The following HOMER2 variants were observed in gnomAD, a reference collection of about 807,000 sequenced individuals.
The protein encoded by HOMER2 is homer protein homolog 2.
HOMER2 carries 27 observed loss-of-function variants against 47.0 expected under a neutral mutation model. That is an observed-to-expected ratio of 0.57 (90% confidence interval 0.42 to 0.79). The LOEUF is 0.79. HOMER2 is among the 30% of genes least tolerant of loss of function. The probability of loss-of-function intolerance (pLI) is 0.00; values close to 1 mark genes in which losing one functional copy is unlikely to be tolerated. For missense variants in HOMER2, 443 were observed against 435.0 expected (o/e 1.02, Z -0.16); for synonymous variants, 161 against 163.8 (o/e 0.98, Z 0.13).
exon 2 of HOMER2, chr15:82,839,280 G>A (rs1319232973): frequency 3.3e-5 from 5 of 152,218 alleles, no homozygotes; most frequent in African/African-American, 1.2e-4. Flanking sequence ...CAGATGAAGG[G>A]CAGGCATCCC....
intron 1 of HOMER2, among the ~76,000 whole-genome samples, chr15:82,942,437 T>A (rs1227221976): frequency 6.6e-6 from 1 of 152,206 alleles, no homozygotes; most frequent in Non-Finnish European, 1.5e-5. Flanking sequence ...TACTGACTAG[T>A]CCACATGGCC....
At chr15:82,889,690 C>T (rs1308093746) in intron 2 of HOMER2, among the ~76,000 whole-genome samples, 1 of 152,168 alleles carries the variant, frequency 6.6e-6, no homozygotes, top group African/African-American at 2.4e-5. Flanking sequence ...CAGGCAGCAG[C>T]AACAGTTGCT....
intron 2 of HOMER2, among the ~76,000 whole-genome samples, chr15:82,879,199 T>A (rs1028735725): frequency 2.0e-5 from 3 of 152,216 alleles, no homozygotes; most frequent in Non-Finnish European, 2.9e-5. Flanking sequence ...TCCCTCTGTT[T>A]CCTTGAATAT....
chr15:82,944,752 TA>T (rs780967270), intron 1 of HOMER2, among the ~76,000 whole-genome samples: 6 of 152,080 alleles, frequency 3.9e-5, no homozygotes, highest in South Asian at 2.1e-4. Flanking sequence ...TTTTTTTTTT[TA>T]AATTTTTAAT....
chr15:82,981,402 A>T (rs1302295340), intron 1 of HOMER2, among the ~76,000 whole-genome samples: 1 of 152,248 alleles, frequency 6.6e-6, no homozygotes, highest in Non-Finnish European at 1.5e-5. Flanking sequence ...GTAATTGTGC[A>T]CTGCTATTGG....
At chr15:82,982,633 G>T (rs2030432683) in intron 1 of HOMER2, among the ~76,000 whole-genome samples, 1 of 152,070 alleles carries the variant, frequency 6.6e-6, no homozygotes, top group Non-Finnish European at 1.5e-5. Context: ...TTGGATTTGG[G>T]GACATTTTGT....
chr15:82,953,390 T>C (rs1395792256), upstream of HOMER2, among the ~76,000 whole-genome samples: 2 of 152,130 alleles, frequency 1.3e-5, no homozygotes, highest in African/African-American at 4.8e-5. Flanking sequence ...CGAGGGGAAT[T>C]AGGATGGCAA....
chr15:82,855,965 GA>G (rs1284517323), intron 5 of HOMER2, among the ~76,000 whole-genome samples: 1 of 152,174 alleles, frequency 6.6e-6, no homozygotes. Flanking sequence ...AGCCCATGGG[GA>G]GGTTTCCGCC....
chr15:82,978,380 G>A (rs1006567006), intron 1 of HOMER2, among the ~76,000 whole-genome samples: 3 of 152,142 alleles, frequency 2.0e-5, no homozygotes, highest in African/African-American at 7.2e-5. Flanking sequence ...AAGACATAAA[G>A]AATAATCCGT....
chr15:82,841,794 A>G (rs942137919), exon 2 of HOMER2: 3 of 152,226 alleles, frequency 2.0e-5, no homozygotes, highest in Non-Finnish European at 2.9e-5. Context: ...AAACTATTAT[A>G]CAACTACACA....
At chr15:82,851,018 C>T (rs1379229860) in intron 8 of HOMER2, 133 bp downstream of exon 8, 2 of 686,968 alleles carry the variant, frequency 2.9e-6, no homozygotes, top group Non-Finnish European at 5.1e-6. Flanking sequence ...GCAGTCACTG[C>T]CAGCTTTTTG....
At chr15:82,955,171 CTTTT>C (rs537098552), upstream of HOMER2, among the ~76,000 whole-genome samples, 2 of 133,810 alleles carry the variant, frequency 1.5e-5, no homozygotes, top group Non-Finnish European at 1.6e-5. Context: ...TTTTCTTTTT[CTTTT>C]TTTTTTTTTT....
intron 2 of HOMER2, among the ~76,000 whole-genome samples, chr15:82,878,437 TCTTA>T (rs1218616673): frequency 6.6e-6 from 1 of 152,238 alleles, no homozygotes; most frequent in African/African-American, 2.4e-5. Flanking sequence ...ATAATGTATG[TCTTA>T]CTTACAAAGC....
At chr15:82,904,683 G>C (rs372941132) in intron 1 of HOMER2, among the ~76,000 whole-genome samples, 2 of 152,100 alleles carry the variant, frequency 1.3e-5, no homozygotes, top group Non-Finnish European at 2.9e-5. Context: ...CTACTTAAGC[G>C]GAGAGAAAAT....
intron 1 of HOMER2, among the ~76,000 whole-genome samples, chr15:82,963,455 T>C (rs1363266850): frequency 1.3e-5 from 2 of 152,020 alleles, no homozygotes; most frequent in Non-Finnish European, 2.9e-5. Flanking sequence ...AATTAGCTGA[T>C]AGGAAACAAA....
At chr15:82,958,860 A>G (rs2054607152) in exon 2 of HOMER2, 1 of 152,458 alleles carries the variant, frequency 6.6e-6, no homozygotes, top group Non-Finnish European at 1.5e-5. Flanking sequence ...TTCAATTCCA[A>G]GAGGCAAAAA....
upstream of HOMER2, among the ~76,000 whole-genome samples, chr15:82,957,702 A>T (rs761436937): frequency 6.6e-6 from 1 of 152,184 alleles, no homozygotes; most frequent in Non-Finnish European, 1.5e-5. Context: ...CAATCAGGCC[A>T]AGGGCCTGCC....
chr15:82,856,168 T>A (rs2051578632), intron 5 of HOMER2, among the ~76,000 whole-genome samples: 1 of 152,198 alleles, frequency 6.6e-6, no homozygotes, highest in Non-Finnish European at 1.5e-5. Flanking sequence ...AATTCTAGAG[T>A]TGATGACTGA....
chr15:82,876,809 C>A (rs1040104001), intron 2 of HOMER2, among the ~76,000 whole-genome samples: 2 of 152,200 alleles, frequency 1.3e-5, no homozygotes, highest in African/African-American at 2.4e-5. Flanking sequence ...GTGGTAGGAA[C>A]CTGAGTCTAC....
Sources: gnomAD v4.1 joint callset for allele counts (sites outside exome capture counted in the v4.1 genomes callset) on GRCh38, gnomAD v4.1.1 for gene constraint, MANE v1.5 for transcripts, NCBI Gene and HGNC (gene_info 2026-07-23, HGNC 2026-07-21) for gene names.